SLC11A1: variants seen among roughly 807,000 people sequenced by gnomAD.
SLC11A1 encodes natural resistance-associated macrophage protein 1.
In SLC11A1, 59 loss-of-function variants were observed where a neutral mutation model predicts 63.2. That is an observed-to-expected ratio of 0.93 (90% CI 0.76 to 1.16). The LOEUF (loss-of-function observed/expected upper bound fraction) is 1.16. Among genes scored for constraint, SLC11A1 ranks in the 50% most tolerant of loss-of-function variants. SLC11A1 has a pLI of 0.00. For missense variants in SLC11A1, 688 were observed against 730.7 expected, an observed-to-expected ratio of 0.94 and a Z score of 0.67; for synonymous variants, 305 against 307.8, an observed-to-expected ratio of 0.99 and a Z score of 0.09.
At position 218,385,318 on chromosome 2, in the gene SLC11A1, A is replaced by G. The variant is rs1374167611; in HGVS notation, c.393+52A>G. On this transcript the variant is annotated intron_variant, in intron 4 of 14. Coordinates refer to ENST00000233202, the MANE Select transcript of SLC11A1 (RefSeq NM_000578.4). ...GAACCACTGGCCCCAAACCCCAAAC[A>G]GCCATTTTCAGCTTCCACGATCAAA... 73 of 1,611,040 alleles carry G rather than the reference A, an allele frequency of 4.5e-5. No homozygotes were observed. The Admixed American group carries it at 1.2e-3, about 26-fold the overall frequency.
chr2:218,391,500 G>A lies in SLC11A1; in HGVS notation c.1164+5G>A. ...GCGGGACAGTTCGTGATGGAGGTAG[G>A]GCAGGGGGCGGGCCCAGGAGGGCAA... On this transcript the variant is annotated splice_donor_5th_base_variant and intron_variant, in intron 11 of 14. Coordinates refer to ENST00000233202, the MANE Select transcript of SLC11A1 (RefSeq NM_000578.4). 6.3e-7 allele frequency: 1 copy of A among 1,578,420 alleles called. No homozygotes were observed. The highest frequency in any genetic ancestry group is 8.6e-7 in the Non-Finnish European group (1 of 1,162,376).
chr2:218,394,030 A>G, intron 12 of SLC11A1, 90 bp from the exon 13 acceptor site: 1 of 1,299,534 alleles, frequency 7.7e-7, no homozygotes, highest in South Asian at 1.3e-5. Context: ...ACACCCACAC[A>G]GAGGGTGTCA....
At position 218,387,714 on chromosome 2, in the gene SLC11A1, G is replaced by C. The variant is rs1031995680; in HGVS notation, c.639+82G>C. On this transcript the variant is annotated intron_variant, in intron 7 of 14. Transcript: ENST00000233202. ...TCCCTCTGGCCGCGGGCTGCGGGGG[G>C]CTGGGGTGGGATGGAGGCTGAGAAA... 3.7e-6 allele frequency: 6 copies of C among 1,611,198 alleles called. No individual in the cohort carries two copies. In the African/African-American group the frequency reaches 4.0e-5, roughly 11 times the overall value.
intron 5 of SLC11A1, 162 bp from the exon 6 acceptor site, chr2:218,386,998 C>T: frequency 1.4e-6 from 1 of 706,118 alleles, no homozygotes; most frequent in Non-Finnish European, 2.5e-6. Flanking sequence ...TGCCCTGCCT[C>T]GACTGTTCTA....
Position 218,396,586 on chromosome 2 carries a change from G to A in SLC11A1, c.*1551G>A, listed in dbSNP as rs1326528198. 6.6e-6 allele frequency: 1 copy of A among 152,480 alleles called. No individual in the cohort carries two copies. The highest frequency in any genetic ancestry group is 1.5e-5 in the Non-Finnish European group (1 of 68,140). 9.4% of individuals were successfully genotyped at this position (152,480 alleles called of 1,614,324 possible). A position where few individuals can be genotyped will look rare whatever the true frequency, so the allele number is the denominator to read the frequency against. On this transcript the variant is annotated 3_prime_UTR_variant, in exon 15 of 15. Coordinates refer to ENST00000233202, the MANE Select transcript of SLC11A1 (RefSeq NM_000578.4). ...CAACGATGCGAGTGGGTCCCTCAAG[G>A]AGAGAAGAGATGGGACCGGTCTGGT...
chr2:218,384,287 C>T lies in SLC11A1; in HGVS notation c.195C>T (p.Gly65=). Residue 65 remains glycine (G), a synonymous_variant, in exon 3 of 15, where the codon GGC becomes GGT. Transcript: ENST00000233202. The surrounding 1 kb of genome is among the most constrained non-coding windows in gnomAD (Gnocchi z 4.0). The stretch of plus-strand genomic sequence containing the variant: ...AGCTATGGGCCTTCACGGGGCCTGG[C>T]TTCCTCATGAGCATTGCTTTCCTGG... The part of the protein sequence containing the change: ...LRKLWAFTGP[G]FLMSIAFLDP... 9.3e-6 allele frequency: 15 copies of T among 1,608,580 alleles called. No homozygotes were observed. Among genetic ancestry groups the T allele is most frequent in the Non-Finnish European group, 1.2e-5 (14 of 1,176,154 alleles).
At position 218,393,006 on chromosome 2, in the gene SLC11A1, G is replaced by C. The variant is rs775277081; in HGVS notation, c.1190G>C (p.Arg397Pro). ...MEGFLRLRWS[R>P]FARVLLTRSC... Reference sequence around the variant, plus strand: ...GGCTTCCTGAGGCTGCGGTGGTCACGCTTCGCCCGTGTCCTCCTCACCCGC... The same window carrying C: ...GGCTTCCTGAGGCTGCGGTGGTCACCCTTCGCCCGTGTCCTCCTCACCCGC... Residue 397 changes from arginine (R) to proline (P), a missense_variant, in exon 12 of 15, where the codon CGC (arginine) becomes CCC (proline). Coordinates refer to ENST00000233202, the MANE Select transcript of SLC11A1 (RefSeq NM_000578.4). The C allele has an allele frequency of 1.3e-6, 2 of 1,594,876 alleles. No homozygotes were observed. The highest frequency in any genetic ancestry group is 2.3e-5 in the South Asian group (2 of 88,576).
In SLC11A1 at chr2:218,391,250, T is replaced by C; in HGVS notation, c.1007T>C (p.Met336Thr). Residue 336 changes from methionine to threonine, a missense_variant, in exon 10 of 15, where the codon ATG becomes ACG. Coordinates refer to ENST00000233202, the MANE Select transcript of SLC11A1 (RefSeq NM_000578.4). Reference protein sequence around the residue: ...SLHDYAKIFPMNNATVAVDIY... With the variant: ...SLHDYAKIFPTNNATVAVDIY... ...CACGACTACGCCAAGATCTTCCCCA[T>C]GAACAACGCCACCGTGGCCGTGGAC... is the stretch of plus-strand genomic sequence containing the variant. The C allele has an allele frequency of 4.6e-6, 7 of 1,520,916 alleles. No homozygotes were observed. Among genetic ancestry groups the C allele is most frequent in the Non-Finnish European group, 6.2e-6 (7 of 1,128,108 alleles). 94.2% of individuals were successfully genotyped at this position (1,520,916 alleles called of 1,614,324 possible). A position where few individuals can be genotyped will look rare whatever the true frequency, so the allele number is the denominator to read the frequency against.
chr2:218,395,307 CGAA>C lies in SLC11A1; in HGVS notation c.*273_*275del. On this transcript the variant is annotated 3_prime_UTR_variant, in exon 15 of 15. Transcript: ENST00000233202. Reference sequence around the variant, plus strand: ...GGCACTTGGGACAAAAACAAACAAACGAAAAACATTTCAAAAGGTATTTATTGA... The same window carrying C: ...GGCACTTGGGACAAAAACAAACAAACAAACATTTCAAAAGGTATTTATTGA... 1.2e-5 allele frequency: 5 copies of C among 432,384 alleles called. No homozygotes were observed. The highest frequency in any genetic ancestry group is 3.9e-5 in the East Asian group (1 of 25,394). 26.8% of individuals were successfully genotyped at this position (432,384 alleles called of 1,614,324 possible).
intron 2 of SLC11A1, chr2:218,383,587 C>G (rs1411007287): frequency 8.5e-5 from 13 of 153,148 alleles, no homozygotes; most frequent in Admixed American, 8.4e-4. Flanking sequence ...TTAAGCGATT[C>G]TCCTGCCCCG....
Position 218,396,709 on chromosome 2 carries a change from G to A in SLC11A1, c.*1674G>A, listed in dbSNP as rs1446546407. 1 of 152,600 alleles carries A rather than the reference G, an allele frequency of 6.6e-6. No homozygotes were observed. The highest frequency in any genetic ancestry group is 1.5e-5 in the Non-Finnish European group (1 of 68,262). The allele number at this position is 152,600 out of a possible 1,614,324, so 9.5% of individuals were successfully genotyped here. On this transcript the variant is annotated 3_prime_UTR_variant, in exon 15 of 15. Coordinates refer to ENST00000233202, the MANE Select transcript of SLC11A1 (RefSeq NM_000578.4). ...GAAGATGGGTCCATGCCAGCTGAAG[G>A]AGGAGATGGATGGGGGACGTTTAGC...
In SLC11A1 at chr2:218,386,682, C is replaced by A; in HGVS notation, c.441C>A (p.Gly147=). 1 of 1,614,112 alleles carries A rather than the reference C, an allele frequency of 6.2e-7. No homozygotes were observed. Among genetic ancestry groups the A allele is most frequent in the Non-Finnish European group, 8.5e-7 (1 of 1,180,006 alleles). Residue 147 remains glycine, a synonymous_variant, in exon 5 of 15, where the codon GGC becomes GGA. Coordinates refer to ENST00000233202, the MANE Select transcript of SLC11A1 (RefSeq NM_000578.4). ...LWLTIELAIV[G]SDMQEVIGTA... ...TGACCATCGAGCTAGCCATTGTGGG[C>A]TCCGACATGCAGGAAGTCATCGGCA... is the stretch of plus-strand genomic sequence containing the variant.
chr2:218,387,734 G>T, intron 7 of SLC11A1, 66 bp from the exon 8 acceptor site: 1 of 1,611,970 alleles, frequency 6.2e-7, no homozygotes, highest in Non-Finnish European at 8.5e-7. Flanking sequence ...GATGGAGGCT[G>T]AGAAATGGTG....
At chr2:218,390,180 C>A in intron 9 of SLC11A1, 152 bp downstream of exon 9, 1 of 835,734 alleles carries the variant, frequency 1.2e-6, no homozygotes, top group Non-Finnish European at 1.8e-6. Flanking sequence ...AGCAAATAAT[C>A]ATTGAGCATT....
In SLC11A1 at chr2:218,387,196, G is replaced by A; in HGVS notation, c.537G>A (p.Val179=). 1 of 1,614,124 alleles carries A rather than the reference G, an allele frequency of 6.2e-7. No individual in the cohort carries two copies. ...GGGGTGGCGTCCTCATCACCATCGT[G>A]GACACCTTCTTCTTCCTCTTCCTCG... The part of the protein sequence containing the change: ...PLWGGVLITI[V]DTFFFLFLDN... Residue 179 remains valine, a synonymous_variant, in exon 6 of 15, where the codon GTG becomes GTA. Coordinates refer to ENST00000233202, the MANE Select transcript of SLC11A1 (RefSeq NM_000578.4).
chr2:218,385,149 TCTCTGGGTGCTG>T lies in SLC11A1; in HGVS notation c.284_295del (p.Val95_Trp98del). On this transcript the variant is annotated inframe_deletion, in exon 4 of 15. Coordinates refer to ENST00000233202, the MANE Select transcript of SLC11A1 (RefSeq NM_000578.4). Reference sequence around the variant, plus strand: ...GGCCTCTCCCTGCCTCCTCACAGCTTCTCTGGGTGCTGCTCTGGGCCACCGTGTTGGGCTTGC... The same window carrying T: ...GGCCTCTCCCTGCCTCCTCACAGCTTCTCTGGGCCACCGTGTTGGGCTTGC... 6.2e-7 allele frequency: 1 copy of T among 1,613,672 alleles called. No homozygotes were observed. The highest frequency in any genetic ancestry group is 8.5e-7 in the Non-Finnish European group (1 of 1,179,764).
In SLC11A1 at chr2:218,394,072, T is replaced by G. The variant is rs202156108; in HGVS notation, c.1315-48T>G. On this transcript the variant is annotated intron_variant, in intron 12 of 14. Transcript: ENST00000233202. ...GCCCATCTTGCCCCCACCCTTGCCA[T>G]ATTCTGAGGCAGAATTCCTCAGCCT... 8.4e-4 allele frequency: 1,346 copies of G among 1,604,086 alleles called. 6 individuals carry two copies. Among genetic ancestry groups the G allele is most frequent in the Middle Eastern group, 1.8e-3 (11 of 6,006 alleles).
Position 218,393,073 on chromosome 2 carries a change from G to A in SLC11A1, c.1257G>A (p.Arg419=), listed in dbSNP as rs1696550106. The change falls in exon 12 of 15, where the codon CGG becomes CGA. Residue 419 remains arginine, a synonymous_variant. Transcript: ENST00000233202. ...CCACCGTGCTCGTGGCTGTCTTCCGGGACCTGAGGGACTTGTCGGGCCTCA... is the reference window on the plus strand; with the variant it reads ...CCACCGTGCTCGTGGCTGTCTTCCGAGACCTGAGGGACTTGTCGGGCCTCA... ...ILPTVLVAVF[R]DLRDLSGLND... 4 of 1,597,664 alleles carry A rather than the reference G, an allele frequency of 2.5e-6. No individual in the cohort carries two copies. The highest frequency in any genetic ancestry group is 3.4e-6 in the Non-Finnish European group (4 of 1,176,320).
rs761537489 is a variant in SLC11A1 at position 218,382,333 on chromosome 2, G to A, written c.-36G>A. ...AGGCTGAGGAGCTGCCCAGAGCACC[G>A]CTCACACTCCCAGAGTACCTGAAGT... On this transcript the variant is annotated 5_prime_UTR_variant, in exon 1 of 15. Coordinates refer to ENST00000233202, the MANE Select transcript of SLC11A1 (RefSeq NM_000578.4). The A allele has an allele frequency of 4.3e-5, 70 of 1,611,946 alleles. 1 individual carries two copies. In the Admixed American group the frequency reaches 8.4e-4, roughly 19 times the overall value.
Sources: gnomAD v4.1 joint callset for allele counts on GRCh38, gnomAD v4.1.1 for gene constraint, Gnocchi (gnomAD v3.1) non-coding constraint, MANE v1.5 for transcripts, NCBI Gene and HGNC (gene_info 2026-07-23, HGNC 2026-07-21) for gene names.